Variants in EFNA5 observed in about 807,000 individuals in gnomAD.
The protein encoded by EFNA5 is ephrin A5, also known as ephrin-A5.
Under a neutral mutation model 22.9 loss-of-function variants are expected in EFNA5, and 5 were observed. The ratio of observed to expected loss-of-function variants is 0.22; its 90% CI spans 0.11 to 0.46. The LOEUF (loss-of-function observed/expected upper bound fraction) is 0.46, where lower values mean the gene tolerates loss of function less well. EFNA5 is among the 20% of genes least tolerant of loss of function. The pLI is 0.99. For missense variants in EFNA5, 237 were observed against 293.3 expected, an observed-to-expected ratio of 0.81 and a Z score of 1.40; for synonymous variants, 113 against 112.2, an observed-to-expected ratio of 1.01 and a Z score of -0.04.
chr5:107,670,319 G>A (rs1232405839), intron 1 of EFNA5, among the ~76,000 whole-genome samples, 170 bp downstream of exon 1: 1 of 152,150 alleles, frequency 6.6e-6, no homozygotes, highest in East Asian at 1.9e-4. Context: ...AACAAAGAGG[G>A]GCGCGACGCG....
At position 107,527,498 on chromosome 5, in the gene EFNA5, G is replaced by A. The variant is rs551973322; in HGVS notation, c.126-99989C>T. On this transcript the variant is annotated intron_variant, in intron 1 of 4. Coordinates refer to ENST00000333274, the MANE Select transcript of EFNA5 (RefSeq NM_001962.3). ...GATGGGGTTTCACCATGTTGGCCAG[G>A]CTTATCTTGAACGCCTGACCTTGTG... Among the ~76,000 whole-genome samples the A allele has an allele frequency of 7.9e-5, 12 of 151,996 alleles. 1 individual carries two copies. The South Asian group carries it at 2.5e-3, about 32-fold the overall frequency.
chr5:107,649,828 T>A lies in EFNA5; in HGVS notation c.125+20661A>T, dbSNP rs1237661507. 1.4e-4 allele frequency among the ~76,000 whole-genome samples: 21 copies of A among 152,294 alleles called. No individual in the cohort carries two copies. In the South Asian group the frequency reaches 3.9e-3, roughly 29 times the overall value. ...TGTTTAATAATACATCATTTAATCA[T>A]CACAGTAACTCTATCAGACAAATAG... On this transcript the variant is annotated intron_variant, in intron 1 of 4. Coordinates refer to ENST00000333274, the MANE Select transcript of EFNA5 (RefSeq NM_001962.3).
intron 1 of EFNA5, among the ~76,000 whole-genome samples, chr5:107,669,552 G>A (rs1354115929): frequency 6.6e-6 from 1 of 151,884 alleles, no homozygotes; most frequent in Non-Finnish European, 1.5e-5. Context: ...CCACTTCCAG[G>A]GTCCGAAAAC....
chr5:107,401,419 T>G (rs529799218), intron 2 of EFNA5, among the ~76,000 whole-genome samples: 1 of 152,340 alleles, frequency 6.6e-6, no homozygotes, highest in South Asian at 2.1e-4. Flanking sequence ...GGTTTTCCCT[T>G]ATTTGGTGTA....
chr5:107,473,405 T>C (rs115716849), intron 1 of EFNA5, among the ~76,000 whole-genome samples: 1,728 of 152,258 alleles, frequency 0.011, 14 homozygotes, highest in Non-Finnish European at 0.018. Flanking sequence ...TGAATTCCAC[T>C]TATTCTACTT....
chr5:107,499,064 C>T (rs1159733517), intron 1 of EFNA5, among the ~76,000 whole-genome samples: 1 of 152,078 alleles, frequency 6.6e-6, no homozygotes, highest in Non-Finnish European at 1.5e-5. Context: ...CTGCTTTGCT[C>T]TCTTCTCCTT....
intron 1 of EFNA5, among the ~76,000 whole-genome samples, chr5:107,465,069 T>C (rs976528791): frequency 3.5e-4 from 53 of 152,198 alleles, no homozygotes; most frequent in African/African-American, 1.3e-3. Context: ...GAGGCTTTTT[T>C]TTTTTTTTTA....
chr5:107,465,783 G>A (rs1207822305), intron 1 of EFNA5, among the ~76,000 whole-genome samples: 1 of 151,842 alleles, frequency 6.6e-6, no homozygotes, highest in African/African-American at 2.4e-5. Flanking sequence ...AGTATATCAC[G>A]AGGGGAGAAA....
intron 1 of EFNA5, among the ~76,000 whole-genome samples, chr5:107,637,008 G>A (rs1238025811): frequency 6.6e-6 from 1 of 152,118 alleles, no homozygotes; most frequent in Non-Finnish European, 1.5e-5. Flanking sequence ...TCTAAAATGT[G>A]CCTGCTTTTT....
intron 1 of EFNA5, among the ~76,000 whole-genome samples, chr5:107,495,918 G>T (rs1746967688): frequency 6.6e-6 from 1 of 152,166 alleles, no homozygotes; most frequent in South Asian, 2.1e-4. Flanking sequence ...CAGGAGGCAA[G>T]CTTTAGCCAC....
At chr5:107,442,014 A>C (rs1749268044) in intron 1 of EFNA5, among the ~76,000 whole-genome samples, 1 of 152,106 alleles carries the variant, frequency 6.6e-6, no homozygotes, top group Admixed American at 6.6e-5. Context: ...GAGAGCAACA[A>C]AATCCTAACT....
chr5:107,502,839 G>A (rs146870151), intron 1 of EFNA5, among the ~76,000 whole-genome samples: 110 of 152,100 alleles, frequency 7.2e-4, no homozygotes, highest in Middle Eastern at 3.4e-3. Flanking sequence ...TCTCTGATAC[G>A]GTGCATCTGC....
rs115231834 is a variant in EFNA5 at position 107,422,304 on chromosome 5, C to G, written c.418+4913G>C. On this transcript the variant is annotated intron_variant, in intron 2 of 4. Coordinates refer to ENST00000333274, the MANE Select transcript of EFNA5 (RefSeq NM_001962.3). ...CTAGTTATCCTTACTTATTAAACAT[C>G]TGCATGTGCCAAGCAATGTAATACA... Among the ~76,000 whole-genome samples the G allele has an allele frequency of 7.2e-3, 1,090 of 152,306 alleles. 16 individuals are homozygous for G. The highest frequency in any genetic ancestry group is 0.024 in the African/African-American group (985 of 41,572).
intron 2 of EFNA5, among the ~76,000 whole-genome samples, chr5:107,394,866 T>C (rs1343304944): frequency 2.0e-5 from 3 of 152,132 alleles, no homozygotes; most frequent in African/African-American, 7.2e-5. Context: ...GAGCAAACTT[T>C]TACTTGCGTT....
At chr5:107,562,078 T>C (rs921131934) in intron 1 of EFNA5, among the ~76,000 whole-genome samples, 1 of 152,206 alleles carries the variant, frequency 6.6e-6, no homozygotes, top group Non-Finnish European at 1.5e-5. Flanking sequence ...AACTGCTGAA[T>C]TCAACTAACC....
chr5:107,630,031 G>A (rs970379852), intron 1 of EFNA5, among the ~76,000 whole-genome samples: 3 of 149,698 alleles, frequency 2.0e-5, no homozygotes, highest in Non-Finnish European at 3.0e-5. Context: ...ACTCCAGGCT[G>A]AGCAACAAAG....
Position 107,465,232 on chromosome 5 carries a change from C to T in EFNA5, c.126-37723G>A, listed in dbSNP as rs544639098. ...ACCTTCACTTCTTTCCAAGGCCCTG[C>T]GAAGGCCGTCTTTTCTTGCATACTG... is the stretch of plus-strand genomic sequence containing the variant. On this transcript the variant is annotated intron_variant, in intron 1 of 4. Coordinates refer to ENST00000333274, the MANE Select transcript of EFNA5 (RefSeq NM_001962.3). Among the ~76,000 whole-genome samples, 39 of 152,246 alleles carry T rather than the reference C, an allele frequency of 2.6e-4. 1 individual carries two copies. Among genetic ancestry groups the T allele is most frequent in the East Asian group, 1.5e-3 (8 of 5,166 alleles).
chr5:107,620,437 C>T (rs1378317359), intron 1 of EFNA5, among the ~76,000 whole-genome samples: 1 of 152,174 alleles, frequency 6.6e-6, no homozygotes, highest in Non-Finnish European at 1.5e-5. Context: ...TAAGTCTATA[C>T]ATACAGTCTC....
At chr5:107,424,306 A>T (rs1748750451) in intron 2 of EFNA5, among the ~76,000 whole-genome samples, 1 of 142,310 alleles carries the variant, frequency 7.0e-6, no homozygotes, top group African/African-American at 2.7e-5. Flanking sequence ...ACCCTGGTTC[A>T]AGTGATTCTC....
Sources: allele counts gnomAD v4.1 joint callset (sites outside exome capture counted in the v4.1 genomes callset), GRCh38; gene constraint gnomAD v4.1.1; transcripts MANE v1.5; gene names NCBI Gene and HGNC (gene_info 2026-07-23, HGNC 2026-07-21).